ITGA9: variants seen among roughly 807,000 people sequenced by gnomAD.
The protein encoded by ITGA9 is integrin alpha-9.
In ITGA9, 56 loss-of-function variants were observed where a neutral mutation model predicts 127.8. The observed-to-expected ratio is 0.44, with a 90% confidence interval of 0.35 to 0.55. The LOEUF is 0.55. Ranked by LOEUF, ITGA9 falls within the 20% of genes least tolerant of loss-of-function variation. The probability of loss-of-function intolerance (pLI) is 0.00; values close to 1 mark genes in which losing one functional copy is unlikely to be tolerated. For missense variants in ITGA9, 1,196 were observed against 1,347.1 expected, an observed-to-expected ratio of 0.89 and a Z score of 1.76; for synonymous variants, 508 against 514.5, an observed-to-expected ratio of 0.99 and a Z score of 0.17.
rs185906686 is a variant in ITGA9 at position 37,470,190 on chromosome 3, T to C, written c.186-817T>C. 3.9e-4 allele frequency among the ~76,000 whole-genome samples: 58 copies of C among 150,236 alleles called. No individual in the cohort carries two copies. In the South Asian group the frequency reaches 4.2e-3, roughly 11 times the overall value. On this transcript the variant is annotated intron_variant, in intron 1 of 27. Transcript: ENST00000264741. ...CATATGCAGCTTTGAACATTTTGCA[T>C]GTCTCCTGGTAGAAATGTATGCATC... is the stretch of plus-strand genomic sequence containing the variant.
intron 23 of ITGA9, among the ~76,000 whole-genome samples, chr3:37,758,151 G>A (rs995607769): frequency 6.7e-6 from 1 of 149,172 alleles, no homozygotes; most frequent in African/African-American, 2.5e-5. Context: ...GTGAAACCCC[G>A]TCTCTACTAA....
chr3:37,786,033 G>C (rs1697037472), intron 26 of ITGA9, among the ~76,000 whole-genome samples: 1 of 125,552 alleles, frequency 8.0e-6, no homozygotes, highest in Non-Finnish European at 1.7e-5. Flanking sequence ...GGGGGTTGAG[G>C]GGGGTTCATC....
At chr3:37,494,054 G>A (rs1374994237) in intron 4 of ITGA9, among the ~76,000 whole-genome samples, 1 of 152,062 alleles carries the variant, frequency 6.6e-6, no homozygotes, top group Non-Finnish European at 1.5e-5. Context: ...TTTTTGGATG[G>A]TAGGAGGCAT....
chr3:37,654,321 T>A (rs1700457036), intron 17 of ITGA9, among the ~76,000 whole-genome samples: 1 of 152,232 alleles, frequency 6.6e-6, no homozygotes, highest in East Asian at 1.9e-4. Context: ...GCAGATAGTC[T>A]CCTTATTGTT....
At chr3:37,755,921 AAAG>A (rs1287683637) in intron 23 of ITGA9, among the ~76,000 whole-genome samples, 2 of 152,166 alleles carry the variant, frequency 1.3e-5, no homozygotes, top group Non-Finnish European at 1.5e-5. Flanking sequence ...CCAAACCACT[AAAG>A]AAGAAGAATT....
rs77155083 is a variant in ITGA9 at position 37,686,650 on chromosome 3, G to A, written c.2067+2635G>A. Among the ~76,000 whole-genome samples, 297 of 152,240 alleles carry A rather than the reference G, an allele frequency of 2.0e-3. 2 individuals carry two copies. The highest frequency in any genetic ancestry group is 6.9e-3 in the African/African-American group (287 of 41,530). ...CACAAGGAACCCTAGGTTTCAGTTC[G>A]ACAGAAACTTGACAAAGCATCAGGC... On this transcript the variant is annotated intron_variant, in intron 18 of 27. Coordinates refer to ENST00000264741, the MANE Select transcript of ITGA9 (RefSeq NM_002207.3).
In ITGA9 at chr3:37,533,295, T is replaced by C; in HGVS notation, c.1374-19T>C. On this transcript the variant is annotated intron_variant, in intron 13 of 27. Coordinates refer to ENST00000264741, the MANE Select transcript of ITGA9 (RefSeq NM_002207.3). ...TGCTCCTTACCACGACTAAGTCACC[T>C]TCCTCTCTTGCCCTGCAGAGCAAGG... 6.2e-7 allele frequency: 1 copy of C among 1,613,782 alleles called. No homozygotes were observed. The highest frequency in any genetic ancestry group is 8.5e-7 in the Non-Finnish European group (1 of 1,179,698).
At chr3:37,658,741 A>G (rs577706811) in intron 17 of ITGA9, among the ~76,000 whole-genome samples, 5 of 152,214 alleles carry the variant, frequency 3.3e-5, no homozygotes, top group African/African-American at 1.2e-4. Flanking sequence ...ATGCTAGCCA[A>G]TTATTTTGCC....
intron 19 of ITGA9, among the ~76,000 whole-genome samples, chr3:37,733,219 A>G (rs1375353864): frequency 6.6e-6 from 1 of 152,168 alleles, no homozygotes; most frequent in Non-Finnish European, 1.5e-5. Context: ...TTCTGAAGAG[A>G]ACTCTCAAAA....
intron 17 of ITGA9, among the ~76,000 whole-genome samples, chr3:37,679,650 A>G (rs1700716569): frequency 6.6e-6 from 1 of 152,210 alleles, no homozygotes; most frequent in Admixed American, 6.5e-5. Flanking sequence ...ACCTGCTAGG[A>G]GAGACCAACC....
chr3:37,465,464 G>A (rs1022395994), intron 1 of ITGA9, among the ~76,000 whole-genome samples: 1 of 152,188 alleles, frequency 6.6e-6, no homozygotes, highest in Non-Finnish European at 1.5e-5. Context: ...TCAAATCCCA[G>A]CTCTGCCACT....
At chr3:37,458,369 T>C (rs1396269000) in intron 1 of ITGA9, among the ~76,000 whole-genome samples, 2 of 152,160 alleles carry the variant, frequency 1.3e-5, no homozygotes, top group African/African-American at 4.8e-5. Flanking sequence ...GGGTATTGCC[T>C]GTGAAAGACA....
chr3:37,550,838 A>G (rs1699371105), intron 15 of ITGA9, among the ~76,000 whole-genome samples: 1 of 152,220 alleles, frequency 6.6e-6, no homozygotes, highest in Non-Finnish European at 1.5e-5. Flanking sequence ...AAGCTCCAGC[A>G]CACAACTGAA....
At chr3:37,668,137 C>T (rs908141338) in intron 17 of ITGA9, among the ~76,000 whole-genome samples, 6 of 152,152 alleles carry the variant, frequency 3.9e-5, no homozygotes, top group Non-Finnish European at 8.8e-5. Flanking sequence ...ACAGCCCCTT[C>T]CCTCCTGAGC....
At chr3:37,509,448 A>C (rs1579073445) in intron 8 of ITGA9, among the ~76,000 whole-genome samples, 2 of 151,838 alleles carry the variant, frequency 1.3e-5, no homozygotes, top group African/African-American at 4.8e-5. Flanking sequence ...GTCTTGGTGG[A>C]GGCCTTAGTG....
intron 26 of ITGA9, 105 bp from the exon 27 acceptor site, chr3:37,803,718 G>C: frequency 7.5e-7 from 1 of 1,336,326 alleles, no homozygotes; most frequent in South Asian, 1.2e-5. Flanking sequence ...AGGTTGCAGT[G>C]AGCCGAGATT....
At chr3:37,800,500 T>C (rs1384302696) in intron 26 of ITGA9, among the ~76,000 whole-genome samples, 1 of 152,182 alleles carries the variant, frequency 6.6e-6, no homozygotes, top group Admixed American at 6.5e-5. Flanking sequence ...CAAGACACCA[T>C]GAGAGATTCC....
At chr3:37,713,989 C>A (rs1420751863) in intron 18 of ITGA9, among the ~76,000 whole-genome samples, 1 of 152,242 alleles carries the variant, frequency 6.6e-6, no homozygotes. Flanking sequence ...CCTCCCTCTG[C>A]AGCCTGTGCA....
intron 15 of ITGA9, among the ~76,000 whole-genome samples, chr3:37,582,662 C>G (rs1335326844): frequency 6.6e-6 from 1 of 152,150 alleles, no homozygotes; most frequent in Admixed American, 6.5e-5. Flanking sequence ...ACTATCTGGT[C>G]TTAGTGGGTT....
Sources: gnomAD v4.1 joint callset for allele counts (sites outside exome capture counted in the v4.1 genomes callset) on GRCh38, gnomAD v4.1.1 for gene constraint, MANE v1.5 for transcripts, NCBI Gene and HGNC (gene_info 2026-07-23, HGNC 2026-07-21) for gene names.